DPP10: variants seen among roughly 807,000 people sequenced by gnomAD.
DPP10 encodes dipeptidyl peptidase like 10.
DPP10 carries 33 observed loss-of-function variants against 120.9 expected under a neutral mutation model. That is an observed-to-expected ratio of 0.27 (90% CI 0.21 to 0.37). The LOEUF is 0.37. Among genes scored for constraint, DPP10 ranks in the 10% least tolerant of loss-of-function variants. The pLI, the probability that DPP10 is intolerant of heterozygous loss-of-function variation, is 1.00. For synonymous variants in DPP10, 337 were observed against 326.1 expected, an observed-to-expected ratio of 1.03 and a Z score of -0.36; for missense variants, 816 against 942.8, an observed-to-expected ratio of 0.87 and a Z score of 1.76.
At chr2:115,372,922 AT>A (rs1318512004) in intron 3 of DPP10, among the ~76,000 whole-genome samples, 2 of 152,228 alleles carry the variant, frequency 1.3e-5, no homozygotes, top group African/African-American at 4.8e-5. Context: ...AAGACATAAT[AT>A]CTACCTTCCC....
At chr2:114,787,311 A>C (rs2106220263) in intron 1 of DPP10, among the ~76,000 whole-genome samples, 1 of 152,266 alleles carries the variant, frequency 6.6e-6, no homozygotes, top group East Asian at 1.9e-4. Flanking sequence ...AAACGGAGAG[A>C]AAGCCAGTGT....
intron 1 of DPP10, among the ~76,000 whole-genome samples, chr2:114,527,262 A>G (rs1007316915): frequency 4.1e-4 from 62 of 152,154 alleles, no homozygotes; most frequent in African/African-American, 1.4e-3. Context: ...TATTGTTTCA[A>G]TAATTCCCTC....
chr2:115,596,964 T>A (rs1006509135), intron 5 of DPP10, among the ~76,000 whole-genome samples: 3 of 152,192 alleles, frequency 2.0e-5, no homozygotes, highest in African/African-American at 7.2e-5. Context: ...CATAATTAGA[T>A]GACTAGCTTC....
chr2:114,961,682 T>C (rs1213086448), intron 1 of DPP10, among the ~76,000 whole-genome samples: 2 of 152,106 alleles, frequency 1.3e-5, no homozygotes, highest in Non-Finnish European at 2.9e-5. Context: ...TGCCAGTACC[T>C]AGTACAATGT....
intron 1 of DPP10, among the ~76,000 whole-genome samples, chr2:114,628,687 C>A (rs1694691526): frequency 2.0e-5 from 3 of 152,110 alleles, no homozygotes; most frequent in African/African-American, 7.2e-5. Context: ...CACACTGACT[C>A]TTCAAGTATC....
intron 1 of DPP10, among the ~76,000 whole-genome samples, chr2:114,886,886 C>A (rs1692117111): frequency 6.6e-6 from 1 of 152,176 alleles, no homozygotes; most frequent in African/African-American, 2.4e-5. Context: ...TTCTCAATAG[C>A]TTTCTTTTCT....
At chr2:115,355,950 T>G (rs1318971703) in intron 3 of DPP10, among the ~76,000 whole-genome samples, 1 of 152,216 alleles carries the variant, frequency 6.6e-6, no homozygotes, top group East Asian at 1.9e-4. Context: ...GCTGTTTTGG[T>G]GACTGTAGCC....
At chr2:115,309,551 G>A (rs2061497234) in intron 2 of DPP10, among the ~76,000 whole-genome samples, 198 bp downstream of exon 2, 1 of 152,076 alleles carries the variant, frequency 6.6e-6, no homozygotes, top group Admixed American at 6.6e-5. Context: ...GGATATTTTG[G>A]GGAAGCTGAA....
intron 1 of DPP10, among the ~76,000 whole-genome samples, chr2:114,984,161 T>C (rs1308871126): frequency 6.6e-6 from 1 of 152,238 alleles, no homozygotes; most frequent in Non-Finnish European, 1.5e-5. Context: ...ATATTTGACA[T>C]GATTCCATTA....
chr2:115,725,864 T>G (rs2092754978), intron 7 of DPP10, among the ~76,000 whole-genome samples: 1 of 152,112 alleles, frequency 6.6e-6, no homozygotes, highest in Non-Finnish European at 1.5e-5. Context: ...AGCAAGAGGA[T>G]GTAGTATTGG....
At chr2:115,177,685 T>C (rs1260273110) in intron 1 of DPP10, among the ~76,000 whole-genome samples, 1 of 152,232 alleles carries the variant, frequency 6.6e-6, no homozygotes, top group East Asian at 1.9e-4. Context: ...ATTCTTTACC[T>C]CTCCTTTTAT....
intron 1 of DPP10, among the ~76,000 whole-genome samples, chr2:114,483,633 A>AT (rs1558801002): frequency 6.6e-6 from 1 of 151,916 alleles, no homozygotes; most frequent in African/African-American, 2.4e-5. Flanking sequence ...CAATATATAT[A>AT]TTTTTGTCAT....
intron 1 of DPP10, among the ~76,000 whole-genome samples, chr2:114,634,362 C>A (rs1695155428): frequency 6.7e-6 from 1 of 149,054 alleles, no homozygotes; most frequent in African/African-American, 2.6e-5. Context: ...TTATACAGAG[C>A]CATTTTTTTA....
intron 3 of DPP10, among the ~76,000 whole-genome samples, chr2:115,497,374 C>T (rs2076454922): frequency 6.6e-6 from 1 of 152,050 alleles, no homozygotes; most frequent in South Asian, 2.1e-4. Flanking sequence ...GACAGCCAGC[C>T]TACGAGCCTA....
intron 1 of DPP10, among the ~76,000 whole-genome samples, chr2:115,226,581 AT>A (rs1258686772): frequency 6.6e-6 from 1 of 152,166 alleles, no homozygotes. Context: ...TTGAACTGTA[AT>A]GTCATATTGT....
In DPP10 at chr2:115,727,873, C is replaced by A. The variant is rs1484768522; in HGVS notation, c.634C>A (p.Arg212=). 2 of 1,605,802 alleles carry A rather than the reference C, an allele frequency of 1.2e-6. No homozygotes were observed. Among genetic ancestry groups the A allele is most frequent in the African/African-American group, 1.3e-5 (1 of 74,516 alleles). Residue 212 remains arginine, a synonymous_variant, in exon 8 of 26, where the codon CGA becomes AGA. Transcript: ENST00000410059. ...YQPDIKSSSL[R]LTSSGKEEII... ...ACCTGATATAAAGAGCAGTTCATTG[C>A]GACTGACATCTTCTGGAAAAGAAGA... is the stretch of plus-strand genomic sequence containing the variant.
chr2:114,584,630 G>A (rs1226979012), intron 1 of DPP10, among the ~76,000 whole-genome samples: 1 of 143,128 alleles, frequency 7.0e-6, no homozygotes, highest in Non-Finnish European at 1.5e-5. Flanking sequence ...CCACCTATGA[G>A]TGAGAACCTG....
chr2:114,815,021 C>A (rs1313636484), intron 1 of DPP10, among the ~76,000 whole-genome samples: 1 of 152,122 alleles, frequency 6.6e-6, no homozygotes. Context: ...GAGAAGGGGG[C>A]AAACCTGAAC....
intron 1 of DPP10, among the ~76,000 whole-genome samples, chr2:114,620,076 T>C (rs1676882665): frequency 6.6e-6 from 1 of 151,964 alleles, no homozygotes; most frequent in Non-Finnish European, 1.5e-5. Flanking sequence ...TTATGTTAAA[T>C]TTAATTGTTG....
Sources: allele counts gnomAD v4.1 joint callset (sites outside exome capture counted in the v4.1 genomes callset), GRCh38; gene constraint gnomAD v4.1.1; transcripts MANE v1.5; gene names NCBI Gene and HGNC (gene_info 2026-07-23, HGNC 2026-07-21).